The following STOX2 variants were observed in gnomAD, a reference collection of about 807,000 sequenced individuals.
The protein encoded by STOX2 is storkhead-box protein 2.
In STOX2, 28 loss-of-function variants were observed where a neutral mutation model predicts 60.9. The observed-to-expected ratio is 0.46, with a 90% CI of 0.34 to 0.63. STOX2 has a LOEUF of 0.63. Ranked by LOEUF, STOX2 falls within the 30% of genes least tolerant of loss-of-function variation. STOX2 has a pLI of 0.01. For missense variants in STOX2, 1,024 were observed against 1,187.7 expected, an observed-to-expected ratio of 0.86 and a Z score of 2.03; for synonymous variants, 472 against 463.9, an observed-to-expected ratio of 1.02 and a Z score of -0.22.
intron 2 of STOX2, among the ~76,000 whole-genome samples, chr4:184,006,802 G>A (rs1268097245): frequency 1.3e-5 from 2 of 151,076 alleles, no homozygotes; most frequent in East Asian, 1.9e-4. Flanking sequence ...GGATCACGAG[G>A]TCAGCAGATC....
At chr4:183,979,962 T>C (rs929261768) in intron 1 of STOX2, among the ~76,000 whole-genome samples, 2 of 152,216 alleles carry the variant, frequency 1.3e-5, no homozygotes, top group African/African-American at 4.8e-5. Context: ...GGAACTAATA[T>C]TTTAATTTTA....
At chr4:183,943,694 C>T (rs2111132737) in intron 1 of STOX2, among the ~76,000 whole-genome samples, 1 of 152,170 alleles carries the variant, frequency 6.6e-6, no homozygotes, top group African/African-American at 2.4e-5. Context: ...CTGGCCAATA[C>T]AGTGAAACCC....
chr4:183,966,307 G>A (rs1305739712), intron 1 of STOX2, among the ~76,000 whole-genome samples: 1 of 152,204 alleles, frequency 6.6e-6, no homozygotes, highest in Non-Finnish European at 1.5e-5. Flanking sequence ...GTTATAAGAA[G>A]AGGAAACTCA....
intron 1 of STOX2, among the ~76,000 whole-genome samples, chr4:183,892,336 T>G (rs1002231545): frequency 3.9e-5 from 6 of 152,200 alleles, no homozygotes; most frequent in Non-Finnish European, 5.9e-5. Flanking sequence ...TGGAGTGCAG[T>G]GGCGCGATCT....
At chr4:183,974,610 AAAG>A (rs1219745765) in intron 1 of STOX2, among the ~76,000 whole-genome samples, 4 of 152,194 alleles carry the variant, frequency 2.6e-5, no homozygotes, top group Middle Eastern at 3.2e-3. Flanking sequence ...TACCAGGGAT[AAAG>A]AAGAACATTA....
chr4:183,952,070 CCA>C (rs1395197721), intron 1 of STOX2, among the ~76,000 whole-genome samples: 1 of 152,208 alleles, frequency 6.6e-6, no homozygotes, highest in Non-Finnish European at 1.5e-5. Context: ...CACCGGACTT[CCA>C]CACTCTCTTT....
chr4:183,847,591 G>T (rs1282841653), intron 1 of STOX2, among the ~76,000 whole-genome samples: 1 of 152,138 alleles, frequency 6.6e-6, no homozygotes, highest in Non-Finnish European at 1.5e-5. Flanking sequence ...CCAGCACTAG[G>T]AACCATCACC....
intron 3 of STOX2, 140 bp from the exon 4 acceptor site, chr4:184,016,949 C>A: frequency 3.1e-6 from 2 of 639,916 alleles, no homozygotes; most frequent in Non-Finnish European, 5.0e-6. Flanking sequence ...TGTGAATAAT[C>A]AGTCGAGATG....
intron 1 of STOX2, among the ~76,000 whole-genome samples, chr4:183,943,969 G>A (rs1475014417): frequency 6.6e-6 from 1 of 152,220 alleles, no homozygotes; most frequent in Non-Finnish European, 1.5e-5. Context: ...TGTGCTAGGT[G>A]CTGTGGATTC....
At chr4:183,889,993 G>A (rs933002299) in intron 1 of STOX2, among the ~76,000 whole-genome samples, 1 of 152,146 alleles carries the variant, frequency 6.6e-6, no homozygotes, top group African/African-American at 2.4e-5. Flanking sequence ...TATACAGCCT[G>A]AGAAGCTTCT....
At chr4:183,869,620 AT>A (rs1740643805) in intron 1 of STOX2, among the ~76,000 whole-genome samples, 1 of 152,192 alleles carries the variant, frequency 6.6e-6, no homozygotes, top group Non-Finnish European at 1.5e-5. Context: ...TTATCACACT[AT>A]TAGCTTGGCA....
Position 183,865,103 on chromosome 4 carries a change from C to T in STOX2, c.364+67048C>T, listed in dbSNP as rs1021052669. Among the ~76,000 whole-genome samples, 14 of 152,114 alleles carry T rather than the reference C, an allele frequency of 9.2e-5. No homozygotes were observed. Among genetic ancestry groups the T allele is most frequent in the Non-Finnish European group, 1.3e-4 (9 of 68,040 alleles). On this transcript the variant is annotated intron_variant, in intron 1 of 2. Coordinates refer to the STOX2 transcript ENST00000513034. This position sits in a 1 kb window ranked among gnomAD's most constrained non-coding sequence, Gnocchi z 4.1. ...TTATCATCTGTACCCTGCCTTAGCC[C>T]GTATTATGAATATTTGCTGCCTATG...
chr4:183,849,621 T>C (rs977955699), intron 1 of STOX2, among the ~76,000 whole-genome samples: 6 of 152,228 alleles, frequency 3.9e-5, no homozygotes, highest in Admixed American at 6.5e-5. Context: ...ATAGGGCATC[T>C]AGGGAGAGAT....
In STOX2 at chr4:183,913,596, C is replaced by A. The variant is rs1490760897; in HGVS notation, c.166+6640C>A. ...GACCAGCCTGGACAACATGGTGAAA[C>A]CCCGTCTCTACTAAGAATACAAAAA... is the stretch of plus-strand genomic sequence containing the variant. On this transcript the variant is annotated intron_variant, in intron 1 of 3. Coordinates refer to ENST00000308497, the MANE Select transcript of STOX2 (RefSeq NM_020225.3). 2.0e-5 allele frequency among the ~76,000 whole-genome samples: 3 copies of A among 152,142 alleles called. No individual in the cohort carries two copies. The East Asian group carries it at 5.8e-4, about 29-fold the overall frequency.
chr4:183,825,998 C>T lies in STOX2; in HGVS notation c.364+27943C>T, dbSNP rs557644305. On this transcript the variant is annotated intron_variant, in intron 1 of 2. Coordinates refer to the STOX2 transcript ENST00000513034. This position sits in a 1 kb window ranked among gnomAD's most constrained non-coding sequence, Gnocchi z 4.1. ...CTATCACCTCTTCTTCTGCTCTTTC[C>T]TGTTTGTCTAATCTAGAAGTTCTCA... is the stretch of plus-strand genomic sequence containing the variant. Among the ~76,000 whole-genome samples the T allele has an allele frequency of 6.6e-6, 1 of 152,136 alleles. No individual in the cohort carries two copies. Among genetic ancestry groups the T allele is most frequent in the Non-Finnish European group, 1.5e-5 (1 of 68,026 alleles).
chr4:183,900,224 G>A lies in STOX2; in HGVS notation c.365-101101G>A, dbSNP rs186159780. On this transcript the variant is annotated intron_variant, in intron 1 of 2. Coordinates refer to the STOX2 transcript ENST00000513034. ...GTGATCACTGAAGAGCTCTGATGGG[G>A]ATGTACAGGGAGATTAATGCTGTTT... is the stretch of plus-strand genomic sequence containing the variant. Among the ~76,000 whole-genome samples, 20 of 152,268 alleles carry A rather than the reference G, an allele frequency of 1.3e-4. No individual in the cohort carries two copies. The East Asian group carries it at 3.9e-3, about 29-fold the overall frequency.
At chr4:183,909,706 GCATCCC>G (rs1741724610) in intron 1 of STOX2, among the ~76,000 whole-genome samples, 3 of 152,148 alleles carry the variant, frequency 2.0e-5, no homozygotes, top group African/African-American at 7.2e-5. Flanking sequence ...TTTTGGTCTA[GCATCCC>G]GTACCACACA....
intron 1 of STOX2, among the ~76,000 whole-genome samples, chr4:183,878,155 C>A (rs1321414352): frequency 6.6e-6 from 1 of 152,104 alleles, no homozygotes; most frequent in Non-Finnish European, 1.5e-5. Flanking sequence ...TGATTTGCAC[C>A]CAGGAGATCT....
Position 184,011,050 on chromosome 4 carries a change from C to T in STOX2, c.2212C>T (p.Arg738Ter). 1.2e-6 allele frequency: 2 copies of T among 1,611,800 alleles called. No homozygotes were observed. The highest frequency in any genetic ancestry group is 8.5e-7 in the Non-Finnish European group (1 of 1,178,870). ...PKTPADTLPG[R>*]CEKLEPSLGT... The stretch of plus-strand genomic sequence containing the variant: ...GACACCTGCTGACACATTGCCAGGC[C>T]GATGTGAGAAACTGGAACCGTCCCT... Residue 738 changes from arginine to a stop codon, truncating the protein, a stop_gained, in exon 3 of 4, where the codon CGA becomes TGA. Transcript: ENST00000308497. LOFTEE classifies it high-confidence loss of function. The surrounding 1 kb of genome is among the most constrained non-coding windows in gnomAD (Gnocchi z 4.4).
Sources: allele counts gnomAD v4.1 joint callset (sites outside exome capture counted in the v4.1 genomes callset), GRCh38; gene constraint gnomAD v4.1.1; non-coding constraint Gnocchi (gnomAD v3.1); transcripts MANE v1.5; gene names NCBI Gene and HGNC (gene_info 2026-07-23, HGNC 2026-07-21).